Variants in NBAS observed in about 807,000 individuals in gnomAD.
NBAS encodes the protein NAG/BC035112 fusion.
NBAS carries 219 observed loss-of-function variants against 302.5 expected under a neutral mutation model. The observed-to-expected ratio is 0.72, with a 90% CI of 0.65 to 0.81. The LOEUF is 0.81. Ranked by LOEUF, NBAS falls within the 30% of genes least tolerant of loss-of-function variation. The pLI is 0.00. For missense variants in NBAS, 2,932 were observed against 2,841.6 expected (o/e 1.03, Z -0.72); for synonymous variants, 1,118 against 1,021.6 (o/e 1.09, Z -1.80).
At chr2:15,006,510 T>C in the NBAS span, among the ~76,000 whole-genome samples, 1 of 152,302 alleles carries the variant, frequency 6.6e-6, no homozygotes, top group Admixed American at 6.5e-5. Flanking sequence ...GTATACACAA[T>C]ATGATTACAA....
At chr2:14,896,460 C>A in the NBAS span, among the ~76,000 whole-genome samples, 1 of 152,192 alleles carries the variant, frequency 6.6e-6, no homozygotes, top group Non-Finnish European at 1.5e-5. Flanking sequence ...CGCCCCCACA[C>A]TGAACAAATC....
the NBAS span, among the ~76,000 whole-genome samples, chr2:14,805,650 G>A: frequency 6.6e-6 from 1 of 152,138 alleles, no homozygotes; most frequent in African/African-American, 2.4e-5. Flanking sequence ...ATAGTGGCCT[G>A]GACAAGAGAG....
chr2:15,035,042 G>A, the NBAS span, among the ~76,000 whole-genome samples: 23,181 of 151,386 alleles, frequency 0.15, 2,275 homozygotes, highest in East Asian at 0.39. Flanking sequence ...TTTTAAAATC[G>A]ATGTACAGTA....
At chr2:15,244,869 C>A (rs2147964855) in intron 44 of NBAS, among the ~76,000 whole-genome samples, 1 of 152,228 alleles carries the variant, frequency 6.6e-6, no homozygotes, top group Middle Eastern at 3.4e-3. Flanking sequence ...GCTTCTCAAC[C>A]CCCTTGTAGT....
In NBAS at chr2:15,420,341, G is replaced by A. The variant is rs138816147; in HGVS notation, c.2578-2629C>T. Reference sequence around the variant, plus strand: ...AGAGGTAGACTGAGGTGGGCTGTCAGCCTTACTGAGTGCGGTCTCAGCAGG... The same window carrying A: ...AGAGGTAGACTGAGGTGGGCTGTCAACCTTACTGAGTGCGGTCTCAGCAGG... On this transcript the variant is annotated intron_variant, in intron 23 of 51. Coordinates refer to ENST00000281513, the MANE Select transcript of NBAS (RefSeq NM_015909.4). Among the ~76,000 whole-genome samples the A allele has an allele frequency of 6.7e-3, 1,027 of 152,322 alleles. 12 individuals are homozygous for A. The highest frequency in any genetic ancestry group is 0.022 in the African/African-American group (926 of 41,560).
chr2:15,293,023 C>T (rs561016633), intron 40 of NBAS, among the ~76,000 whole-genome samples: 1 of 152,184 alleles, frequency 6.6e-6, no homozygotes, highest in Admixed American at 6.5e-5. Flanking sequence ...TCTTCAACCT[C>T]AAAACCTCCG....
chr2:15,139,191 T>G, the NBAS span, among the ~76,000 whole-genome samples: 2 of 152,220 alleles, frequency 1.3e-5, no homozygotes, highest in African/African-American at 4.8e-5. Flanking sequence ...CTTTTTTCCT[T>G]TGAAATGTCA....
intron 38 of NBAS, among the ~76,000 whole-genome samples, chr2:15,310,191 G>A (rs1036117747): frequency 6.6e-6 from 1 of 152,118 alleles, no homozygotes; most frequent in Non-Finnish European, 1.5e-5. Context: ...CTAGGCACTG[G>A]GGATGGTGGG....
chr2:14,830,036 T>G, the NBAS span, among the ~76,000 whole-genome samples: 1 of 152,192 alleles, frequency 6.6e-6, no homozygotes, highest in Non-Finnish European at 1.5e-5. Flanking sequence ...CTTGGGTAAT[T>G]TGTGGCTCAG....
the NBAS span, among the ~76,000 whole-genome samples, chr2:14,875,780 A>G: frequency 6.6e-6 from 1 of 152,230 alleles, no homozygotes; most frequent in Non-Finnish European, 1.5e-5. Flanking sequence ...ACACAGCTCT[A>G]TAGAACAATC....
chr2:15,552,185 C>A (rs1470589719), intron 5 of NBAS, among the ~76,000 whole-genome samples: 2 of 152,066 alleles, frequency 1.3e-5, no homozygotes, highest in Non-Finnish European at 2.9e-5. Flanking sequence ...ATAAAGTTAT[C>A]CCCAGGAAAT....
At chr2:15,353,529 G>T in intron 34 of NBAS, 24 bp downstream of exon 34, 2 of 1,613,638 alleles carry the variant, frequency 1.2e-6, no homozygotes, top group Non-Finnish European at 1.7e-6. Flanking sequence ...TACAGGTTAG[G>T]ATTTCCTTTA....
At chr2:15,394,373 T>C in intron 27 of NBAS, 24 bp from the exon 28 acceptor site, 1 of 1,610,870 alleles carries the variant, frequency 6.2e-7, no homozygotes. Context: ...AAGAATTATT[T>C]AATGTCTTGC....
intron 21 of NBAS, among the ~76,000 whole-genome samples, chr2:15,428,264 T>C (rs1677579199): frequency 6.6e-6 from 1 of 152,212 alleles, no homozygotes. Flanking sequence ...ACTTAAAATA[T>C]GGTTACTGAC....
intron 38 of NBAS, among the ~76,000 whole-genome samples, chr2:15,320,376 T>C (rs530822633): frequency 4.6e-5 from 7 of 152,218 alleles, no homozygotes; most frequent in Non-Finnish European, 7.4e-5. Context: ...CTATTCAACA[T>C]AGTGTTGGAA....
At chr2:14,926,911 T>C in the NBAS span, among the ~76,000 whole-genome samples, 1 of 152,270 alleles carries the variant, frequency 6.6e-6, no homozygotes, top group Non-Finnish European at 1.5e-5. Context: ...GATGTTTTGC[T>C]GAACATTATT....
At chr2:15,209,375 A>G (rs1015146519) in intron 48 of NBAS, among the ~76,000 whole-genome samples, 13 of 152,192 alleles carry the variant, frequency 8.5e-5, no homozygotes, top group African/African-American at 3.1e-4. Flanking sequence ...AAAGAAGAAT[A>G]ATACCAATCC....
At chr2:14,847,462 T>C in the NBAS span, among the ~76,000 whole-genome samples, 1 of 71,342 alleles carries the variant, frequency 1.4e-5, no homozygotes, top group African/African-American at 4.9e-5. Flanking sequence ...CCAATGAAAA[T>C]CAAAAAAGAA....
chr2:15,403,239 G>C (rs1483809814), intron 25 of NBAS, among the ~76,000 whole-genome samples: 2 of 151,974 alleles, frequency 1.3e-5, no homozygotes, highest in Non-Finnish European at 2.9e-5. Context: ...ACCAAACAAG[G>C]GCATTTTCTC....
Sources: allele counts gnomAD v4.1 joint callset (sites outside exome capture counted in the v4.1 genomes callset), GRCh38; gene constraint gnomAD v4.1.1; transcripts MANE v1.5; gene names NCBI Gene and HGNC (gene_info 2026-07-23, HGNC 2026-07-21).